ITCH: variants seen among roughly 807,000 people sequenced by gnomAD.
ITCH encodes itchy E3 ubiquitin protein ligase, also known as E3 ubiquitin-protein ligase Itchy homolog.
Under a neutral mutation model 126.8 loss-of-function variants are expected in ITCH, and 28 were observed. The observed-to-expected ratio is 0.22, with a 90% confidence interval of 0.16 to 0.30. The LOEUF (loss-of-function observed/expected upper bound fraction) is 0.30, where lower values mean the gene tolerates loss of function less well. ITCH is among the 10% of genes least tolerant of loss of function. The pLI is 1.00. For missense variants in ITCH, 631 were observed against 1,032.4 expected (o/e 0.61, Z 5.33); for synonymous variants, 342 against 340.0 (o/e 1.01, Z -0.06).
intron 24 of ITCH, among the ~76,000 whole-genome samples, chr20:34,507,267 T>TG (rs1990681121): frequency 1.5e-5 from 1 of 67,140 alleles, no homozygotes; most frequent in South Asian, 6.3e-4. Flanking sequence ...TCTTCTGTTT[T>TG]TTTTTTTTTT....
chr20:34,376,658 A>G (rs1036930492), intron 2 of ITCH, among the ~76,000 whole-genome samples: 5 of 152,064 alleles, frequency 3.3e-5, no homozygotes, highest in African/African-American at 1.2e-4. Flanking sequence ...GAGCCTGGTA[A>G]TAGGCAAAAG....
chr20:34,385,221 GGTT>G (rs2038236934), intron 2 of ITCH, among the ~76,000 whole-genome samples: 3 of 30,120 alleles, frequency 1.0e-4, no homozygotes, highest in South Asian at 1.3e-3. Flanking sequence ...GTGTGTGTGT[GGTT>G]TTTTTTTTTT....
rs1987471161 is a variant in ITCH, at chr20:34,470,078, G to A, written c.1455G>A (p.Arg485=). The change falls in exon 15 of 25, where the codon CGG becomes CGA. Residue 485 remains arginine, a synonymous_variant. Transcript: ENST00000374864. ...LDNGPQIAYV[R]DFKAKVQYFR... ...ATGGACCTCAGATAGCCTATGTTCG[G>A]GACTTCAAAGCAAAGGTTCAGTATT... The A allele has an allele frequency of 6.2e-7, 1 of 1,613,958 alleles. No individual in the cohort carries two copies. Among genetic ancestry groups the A allele is most frequent in the Non-Finnish European group, 8.5e-7 (1 of 1,179,908 alleles).
At chr20:34,370,980 A>G (rs1188025275) in intron 2 of ITCH, among the ~76,000 whole-genome samples, 2 of 151,898 alleles carry the variant, frequency 1.3e-5, no homozygotes, top group Non-Finnish European at 2.9e-5. Context: ...CATCCTGGCT[A>G]ACAAGGTGAA....
chr20:34,501,372 A>G (rs1001907842), intron 23 of ITCH, among the ~76,000 whole-genome samples: 2 of 152,236 alleles, frequency 1.3e-5, no homozygotes, highest in Non-Finnish European at 2.9e-5. Flanking sequence ...GTGTTTTAAT[A>G]CATGTCTATT....
At chr20:34,368,421 GT>G (rs11482479) in intron 1 of ITCH, among the ~76,000 whole-genome samples, 14 of 148,628 alleles carry the variant, frequency 9.4e-5, no homozygotes, top group Non-Finnish European at 1.0e-4. Context: ...AGTATGTAAG[GT>G]TTTTTTTTTT....
intron 12 of ITCH, among the ~76,000 whole-genome samples, chr20:34,450,067 A>G (rs1399885954): frequency 6.6e-6 from 1 of 152,220 alleles, no homozygotes; most frequent in African/African-American, 2.4e-5. Flanking sequence ...TTAATAATGT[A>G]TACATGAGAT....
intron 7 of ITCH, among the ~76,000 whole-genome samples, chr20:34,430,786 T>C (rs1390808663): frequency 6.6e-6 from 1 of 152,120 alleles, no homozygotes; most frequent in Non-Finnish European, 1.5e-5. Flanking sequence ...CCTAAAATAT[T>C]TGAACAGGAG....
At chr20:34,492,641 C>G (rs778044121) in intron 23 of ITCH, 44 bp downstream of exon 23, 1 of 1,257,870 alleles carries the variant, frequency 7.9e-7, no homozygotes, top group Admixed American at 1.7e-5. Context: ...AATTGTTTAT[C>G]ATGCTGCTTT....
chr20:34,401,304 A>C (rs933763940), intron 3 of ITCH, among the ~76,000 whole-genome samples: 1 of 151,918 alleles, frequency 6.6e-6, no homozygotes, highest in African/African-American at 2.4e-5. Flanking sequence ...TTGACCGGGA[A>C]ATTTTTTTTT....
chr20:34,489,047 A>G (rs1989333405), intron 20 of ITCH, among the ~76,000 whole-genome samples: 1 of 152,240 alleles, frequency 6.6e-6, no homozygotes, highest in Non-Finnish European at 1.5e-5. Flanking sequence ...TCAAATAAAT[A>G]AAGAAATGAA....
At chr20:34,485,681 C>T (rs1600471602) in intron 20 of ITCH, among the ~76,000 whole-genome samples, 1 of 151,624 alleles carries the variant, frequency 6.6e-6, no homozygotes, top group African/African-American at 2.4e-5. Flanking sequence ...TCTTACGATA[C>T]GTCTAGATTT....
rs1331284937 is a variant in ITCH at position 34,424,457 on chromosome 20, C to G, written c.476-23C>G. ...AAACTACTCTCTTGAAACTCATTTT[C>G]TGTTTAAACTTTGATGTTAAAGGTG... On this transcript the variant is annotated intron_variant, in intron 6 of 24. Transcript: ENST00000374864. The G allele has an allele frequency of 3.1e-6, 5 of 1,601,732 alleles. No homozygotes were observed. In the South Asian group the frequency reaches 4.4e-5, roughly 14 times the overall value.
intron 14 of ITCH, among the ~76,000 whole-genome samples, chr20:34,467,187 A>T (rs1395186055): frequency 6.6e-6 from 1 of 152,236 alleles, no homozygotes; most frequent in Non-Finnish European, 1.5e-5. Flanking sequence ...ACAAGAACAG[A>T]TAGTAAGTCT....
intron 2 of ITCH, among the ~76,000 whole-genome samples, chr20:34,369,736 T>A (rs2037548215): frequency 6.6e-6 from 1 of 152,222 alleles, no homozygotes; most frequent in African/African-American, 2.4e-5. Context: ...CTATTTGTGT[T>A]GTTTTATACA....
intron 16 of ITCH, among the ~76,000 whole-genome samples, chr20:34,476,967 A>T (rs1412399382): frequency 6.6e-6 from 1 of 152,100 alleles, no homozygotes; most frequent in African/African-American, 2.4e-5. Context: ...CCTATTAACC[A>T]CCTATAGTGG....
chr20:34,368,097 C>G (rs945960066), intron 1 of ITCH, among the ~76,000 whole-genome samples: 17 of 151,996 alleles, frequency 1.1e-4, no homozygotes, highest in African/African-American at 4.1e-4. Flanking sequence ...GGTGAAACCC[C>G]CATCTCTACT....
chr20:34,452,656 C>T (rs1412067091), intron 12 of ITCH, among the ~76,000 whole-genome samples: 2 of 152,178 alleles, frequency 1.3e-5, no homozygotes, highest in African/African-American at 4.8e-5. Flanking sequence ...ATTCCTACCT[C>T]ATAGGCTCAG....
In ITCH at chr20:34,507,884, T is replaced by A; in HGVS notation, c.*90T>A. The A allele has an allele frequency of 1.1e-6, 1 of 908,974 alleles. No individual in the cohort carries two copies. The highest frequency in any genetic ancestry group is 1.8e-6 in the Non-Finnish European group (1 of 548,358). The allele number at this position is 908,974 out of a possible 1,614,324, so 56.3% of individuals were successfully genotyped here. On this transcript the variant is annotated 3_prime_UTR_variant, in exon 25 of 25. Transcript: ENST00000374864. Reference sequence around the variant, plus strand: ...TTGCACATCTTGTAAAATTGGACAATGGCTCTTTAGAGAGTTATCTGAGTG... The same window carrying A: ...TTGCACATCTTGTAAAATTGGACAAAGGCTCTTTAGAGAGTTATCTGAGTG...
Sources: allele counts gnomAD v4.1 joint callset (sites outside exome capture counted in the v4.1 genomes callset), GRCh38; gene constraint gnomAD v4.1.1; transcripts MANE v1.5; gene names NCBI Gene and HGNC (gene_info 2026-07-23, HGNC 2026-07-21).